NEGR1: variants seen among roughly 807,000 people sequenced by gnomAD.
NEGR1 encodes the protein IgLON family member 4.
A neutral mutation model predicts 40.9 loss-of-function variants in NEGR1; 10 were observed. The observed-to-expected ratio is 0.24, with a 90% CI of 0.15 to 0.42. The LOEUF (loss-of-function observed/expected upper bound fraction) is 0.42, where lower values mean the gene tolerates loss of function less well. Among genes scored for constraint, NEGR1 ranks in the 10% least tolerant of loss-of-function variants. The pLI, the probability that NEGR1 is intolerant of heterozygous loss-of-function variation, is 1.00. For synonymous variants in NEGR1, 185 were observed against 166.8 expected (o/e 1.11, Z -0.84); for missense variants, 352 against 438.9 (o/e 0.80, Z 1.77).
chr1:71,691,746 C>T (rs556833175), intron 4 of NEGR1, among the ~76,000 whole-genome samples: 119 of 151,852 alleles, frequency 7.8e-4, no homozygotes, highest in Non-Finnish European at 1.3e-3. Flanking sequence ...GCTTAACCTT[C>T]TTTTCTGTTT....
At position 71,780,040 on chromosome 1, in the gene NEGR1, C is replaced by CAAAAAAAAAA. The variant is rs57576840; in HGVS notation, c.410-3753_410-3744dup. On this transcript the variant is annotated intron_variant, in intron 2 of 6. Transcript: ENST00000357731. ...GTGCTAAGCACTTGCATAGGAAAAC[C>CAAAAAAAAAA]AAAAAAAAAAAAAAAAAAAAAAAAA... Among the ~76,000 whole-genome samples, 543 of 99,756 alleles carry CAAAAAAAAAA rather than the reference C, an allele frequency of 5.4e-3. 6 individuals carry two copies. The highest frequency in any genetic ancestry group is 0.02 in the African/African-American group (429 of 21,234). The allele number at this position is 99,756 out of a possible 152,430, so 65.4% of individuals were successfully genotyped here.
intron 1 of NEGR1, among the ~76,000 whole-genome samples, chr1:72,049,192 T>C (rs961356742): frequency 3.3e-5 from 5 of 151,362 alleles, no homozygotes; most frequent in African/African-American, 4.8e-5. Context: ...ATGCAAAAAA[T>C]TAGCCAGGTG....
At chr1:71,709,873 A>C (rs2101641569) in intron 3 of NEGR1, among the ~76,000 whole-genome samples, 1 of 152,312 alleles carries the variant, frequency 6.6e-6, no homozygotes, top group South Asian at 2.1e-4. Context: ...AAATGAGATC[A>C]CATCAATTTA....
intron 1 of NEGR1, among the ~76,000 whole-genome samples, chr1:71,967,392 A>T (rs2422059): frequency 0.55 from 83,906 of 151,848 alleles, 24,835 homozygotes; most frequent in African/African-American, 0.75. Flanking sequence ...TCCATGGCAC[A>T]CTCAGGCAAC....
intron 6 of NEGR1, among the ~76,000 whole-genome samples, chr1:71,528,319 T>C (rs1647252452): frequency 6.6e-6 from 1 of 151,392 alleles, no homozygotes; most frequent in Non-Finnish European, 1.5e-5. Context: ...AGTATGAAAC[T>C]ATAGAATATA....
At chr1:71,964,376 C>T (rs1364001590) in intron 1 of NEGR1, among the ~76,000 whole-genome samples, 2 of 152,132 alleles carry the variant, frequency 1.3e-5, no homozygotes, top group African/African-American at 4.8e-5. Context: ...GTGATGTTCA[C>T]TCTCCCCATT....
At chr1:72,274,560 T>C (rs778582396) in intron 1 of NEGR1, 49 of 756,584 alleles carry the variant, frequency 6.5e-5, no homozygotes, top group Non-Finnish European at 1.2e-4. Context: ...CAATTAAACT[T>C]TACAGTGAGT....
intron 6 of NEGR1, among the ~76,000 whole-genome samples, chr1:71,555,481 A>G (rs139014416): frequency 6.6e-6 from 1 of 151,748 alleles, no homozygotes; most frequent in East Asian, 2.0e-4. Flanking sequence ...ATACTTGCAC[A>G]GGATATATAA....
chr1:72,206,113 C>T (rs1015267493), intron 1 of NEGR1, among the ~76,000 whole-genome samples: 2 of 151,352 alleles, frequency 1.3e-5, no homozygotes, highest in Non-Finnish European at 2.9e-5. Flanking sequence ...ATGTAATGTG[C>T]TAAATATTAT....
intron 1 of NEGR1, among the ~76,000 whole-genome samples, chr1:72,242,013 G>C (rs1317388742): frequency 6.6e-6 from 1 of 150,918 alleles, no homozygotes; most frequent in African/African-American, 2.4e-5. Context: ...TTTCCCAAAA[G>C]ACAAAGAAGG....
At chr1:71,431,453 T>C (rs1313831673) in intron 6 of NEGR1, among the ~76,000 whole-genome samples, 1 of 152,196 alleles carries the variant, frequency 6.6e-6, no homozygotes, top group Non-Finnish European at 1.5e-5. Context: ...TAAAAGTCTA[T>C]AGAAATTCCA....
intron 3 of NEGR1, among the ~76,000 whole-genome samples, chr1:71,726,816 C>G (rs1248052376): frequency 6.6e-6 from 1 of 151,992 alleles, no homozygotes; most frequent in Non-Finnish European, 1.5e-5. Context: ...TAGAGTCAGC[C>G]TATCCTAACT....
intron 3 of NEGR1, among the ~76,000 whole-genome samples, 157 bp downstream of exon 3, chr1:71,776,015 A>G (rs1423123596): frequency 6.6e-6 from 1 of 150,960 alleles, no homozygotes; most frequent in East Asian, 1.9e-4. Context: ...ATAAATAAAT[A>G]AATAAATAAA....
chr1:71,522,617 A>T (rs949866967), intron 6 of NEGR1, among the ~76,000 whole-genome samples: 1 of 151,766 alleles, frequency 6.6e-6, no homozygotes, highest in African/African-American at 2.4e-5. Flanking sequence ...AATTTTAAGT[A>T]AATAAGTAAT....
chr1:72,227,805 T>C (rs1236539375), intron 1 of NEGR1, among the ~76,000 whole-genome samples: 1 of 152,082 alleles, frequency 6.6e-6, no homozygotes, highest in Non-Finnish European at 1.5e-5. Flanking sequence ...CAGCTTTGAA[T>C]TTCACAGAAT....
At chr1:71,819,111 C>T (rs1419752817) in intron 2 of NEGR1, among the ~76,000 whole-genome samples, 1 of 151,858 alleles carries the variant, frequency 6.6e-6, no homozygotes, top group Non-Finnish European at 1.5e-5. Flanking sequence ...TAGGATGACT[C>T]CTAGAAACAC....
intron 1 of NEGR1, among the ~76,000 whole-genome samples, chr1:72,139,255 GA>G (rs77435105): frequency 0.026 from 2,608 of 98,844 alleles, 75 homozygotes; most frequent in African/African-American, 0.081. Flanking sequence ...CAGAAAAAGC[GA>G]AAAAAAAAAA....
intron 3 of NEGR1, among the ~76,000 whole-genome samples, chr1:71,773,486 G>A (rs915753227): frequency 1.3e-5 from 2 of 152,074 alleles, no homozygotes; most frequent in African/African-American, 4.8e-5. Context: ...AAAATACAAA[G>A]AGATCAATGA....
At chr1:71,610,660 G>A (rs967260661) in intron 5 of NEGR1, among the ~76,000 whole-genome samples, 1 of 152,198 alleles carries the variant, frequency 6.6e-6, no homozygotes, top group Non-Finnish European at 1.5e-5. Flanking sequence ...GGCAAAGACA[G>A]CAGTTCCTAT....
Sources: allele counts gnomAD v4.1 joint callset (sites outside exome capture counted in the v4.1 genomes callset), GRCh38; gene constraint gnomAD v4.1.1; transcripts MANE v1.5; gene names NCBI Gene and HGNC (gene_info 2026-07-23, HGNC 2026-07-21).